CDH18: variants seen among roughly 807,000 people sequenced by gnomAD.
CDH18 encodes cadherin 18, also known as cadherin-18.
A neutral mutation model predicts 67.9 loss-of-function variants in CDH18; 31 were observed. The observed-to-expected ratio is 0.46, with a 90% confidence interval of 0.34 to 0.62. The LOEUF is 0.62. Among genes scored for constraint, CDH18 ranks in the 20% least tolerant of loss-of-function variants. CDH18 has a pLI of 0.01. For synonymous variants in CDH18, 362 were observed against 347.2 expected (o/e 1.04, Z -0.48); for missense variants, 890 against 975.5 (o/e 0.91, Z 1.17).
chr5:20,116,121 T>C (rs80213934), intron 2 of CDH18, among the ~76,000 whole-genome samples: 3,779 of 152,230 alleles, frequency 0.025, 155 homozygotes, highest in African/African-American at 0.084. Context: ...TTCCTTTCTG[T>C]GAATGAACAG....
intron 5 of CDH18, among the ~76,000 whole-genome samples, chr5:19,663,922 A>C (rs1757541297): frequency 6.6e-6 from 1 of 151,656 alleles, no homozygotes; most frequent in African/African-American, 2.4e-5. Flanking sequence ...TTACACATGT[A>C]GTTTAGGAAA....
chr5:20,335,586 C>T (rs970439019), intron 1 of CDH18, among the ~76,000 whole-genome samples: 2 of 152,224 alleles, frequency 1.3e-5, no homozygotes, highest in South Asian at 2.1e-4. Context: ...CCCAGGGACA[C>T]CTTAGCTTTG....
intron 2 of CDH18, among the ~76,000 whole-genome samples, chr5:20,131,012 G>A (rs1345915293): frequency 6.6e-6 from 1 of 151,930 alleles, no homozygotes; most frequent in Non-Finnish European, 1.5e-5. Context: ...TGAAACTACT[G>A]TGGCAAAAAT....
intron 1 of CDH18, among the ~76,000 whole-genome samples, chr5:20,299,530 G>A (rs991145046): frequency 1.3e-5 from 2 of 151,790 alleles, no homozygotes; most frequent in Non-Finnish European, 2.9e-5. Context: ...GGAGCCCGAT[G>A]CAGGCAGATC....
At chr5:19,885,250 C>T (rs1467360686) in intron 2 of CDH18, among the ~76,000 whole-genome samples, 2 of 152,136 alleles carry the variant, frequency 1.3e-5, no homozygotes, top group Non-Finnish European at 2.9e-5. Context: ...TTAACTTGTA[C>T]AATGTATATT....
At chr5:19,532,424 T>C (rs1748777529) in intron 9 of CDH18, among the ~76,000 whole-genome samples, 1 of 152,206 alleles carries the variant, frequency 6.6e-6, no homozygotes, top group South Asian at 2.1e-4. Flanking sequence ...TCATTTCCTT[T>C]ACCCAGAACT....
intron 7 of CDH18, among the ~76,000 whole-genome samples, chr5:19,588,264 T>C (rs1744521473): frequency 6.6e-6 from 1 of 152,106 alleles, no homozygotes; most frequent in Admixed American, 6.6e-5. Flanking sequence ...CCTATCTGAA[T>C]ACCCTTTATT....
At chr5:19,889,516 T>C (rs1415075820) in intron 2 of CDH18, among the ~76,000 whole-genome samples, 2 of 152,110 alleles carry the variant, frequency 1.3e-5, no homozygotes, top group African/African-American at 2.4e-5. Context: ...TGTTTTTCTT[T>C]TGTTATAATA....
intron 2 of CDH18, among the ~76,000 whole-genome samples, chr5:19,968,997 G>GA (rs1367015227): frequency 1.5e-5 from 2 of 133,496 alleles, no homozygotes; most frequent in African/African-American, 7.2e-5. Flanking sequence ...AAATTTACAA[G>GA]AAAAAAACAA....
intron 2 of CDH18, among the ~76,000 whole-genome samples, chr5:19,933,967 CA>C (rs1411425863): frequency 6.6e-6 from 1 of 151,286 alleles, no homozygotes; most frequent in African/African-American, 2.4e-5. Context: ...GTTCAAATTG[CA>C]ACAATTCATA....
At chr5:20,323,758 G>A (rs551539888) in intron 1 of CDH18, among the ~76,000 whole-genome samples, 1 of 152,274 alleles carries the variant, frequency 6.6e-6, no homozygotes, top group South Asian at 2.1e-4. Context: ...GCTATAGTAA[G>A]CAACTGCTGT....
chr5:20,026,161 C>T (rs940681475), intron 2 of CDH18, among the ~76,000 whole-genome samples: 4 of 151,988 alleles, frequency 2.6e-5, no homozygotes, highest in African/African-American at 7.3e-5. Context: ...AGAGAAGTGC[C>T]GTAAGAACAC....
intron 1 of CDH18, among the ~76,000 whole-genome samples, chr5:20,359,449 T>C (rs1465939208): frequency 6.6e-6 from 1 of 152,202 alleles, no homozygotes. Context: ...TTGGGGATCT[T>C]ACATTGTTCT....
intron 5 of CDH18, among the ~76,000 whole-genome samples, chr5:19,627,637 T>C (rs10214290): frequency 0.038 from 5,799 of 152,318 alleles, 320 homozygotes; most frequent in African/African-American, 0.12. Context: ...ATATCTTTTA[T>C]ATCTGTAAAA....
intron 2 of CDH18, among the ~76,000 whole-genome samples, chr5:20,005,942 A>T (rs1206966628): frequency 6.6e-6 from 1 of 152,034 alleles, no homozygotes; most frequent in Non-Finnish European, 1.5e-5. Context: ...CCTTTGAGTA[A>T]CAATTTGAAA....
chr5:20,423,197 G>T (rs890336859), intron 1 of CDH18, among the ~76,000 whole-genome samples: 1 of 151,284 alleles, frequency 6.6e-6, no homozygotes, highest in Non-Finnish European at 1.5e-5. Context: ...GCAGGCATGC[G>T]CCCACTAGGC....
chr5:19,959,421 T>G (rs1466872685), intron 2 of CDH18, among the ~76,000 whole-genome samples: 8 of 152,086 alleles, frequency 5.3e-5, no homozygotes, highest in African/African-American at 1.9e-4. Flanking sequence ...TTCAAATACA[T>G]TTTATAAACA....
chr5:19,871,641 C>T (rs1388369291), intron 2 of CDH18, among the ~76,000 whole-genome samples: 2 of 151,990 alleles, frequency 1.3e-5, no homozygotes, highest in African/African-American at 2.4e-5. Context: ...AAGGATAAGT[C>T]GGCTTCATAC....
At position 19,520,691 on chromosome 5, in the gene CDH18, T is replaced by A; in HGVS notation, c.1478A>T (p.Asp493Val). 1 of 1,613,356 alleles carries A rather than the reference T, an allele frequency of 6.2e-7. No homozygotes were observed. ...DNPPELAREYDIIVCENSKPG... is the reference protein window; with the variant it reads ...DNPPELAREYVIIVCENSKPG... ...CTTAGAATTTTCACATACAATAATATCATATTCCCTGGCAAGTTCGGGTGG... is the reference window on the plus strand; with the variant it reads ...CTTAGAATTTTCACATACAATAATAACATATTCCCTGGCAAGTTCGGGTGG... The change falls in exon 10 of 13, where the codon GAT (aspartate) becomes GTT (valine). Residue 493 changes from aspartate to valine, a missense_variant. Physicochemically the swap from Asp to Val is radical, Grantham distance 152. Coordinates refer to ENST00000382275, the MANE Select transcript of CDH18 (RefSeq NM_004934.5).
Sources: allele counts gnomAD v4.1 joint callset (sites outside exome capture counted in the v4.1 genomes callset), GRCh38; gene constraint gnomAD v4.1.1; transcripts MANE v1.5; gene names NCBI Gene and HGNC (gene_info 2026-07-23, HGNC 2026-07-21).